The following MEIKIN variants were observed in gnomAD, a reference collection of about 807,000 sequenced individuals.
MEIKIN encodes the protein meiotic kinetochore factor.
intron 8 of MEIKIN, among the ~76,000 whole-genome samples, chr5:131,901,507 T>C (rs1751156694): frequency 6.6e-6 from 1 of 152,104 alleles, no homozygotes; most frequent in South Asian, 2.1e-4. Flanking sequence ...AACAAGTATG[T>C]ACCCTGCTGC....
intron 8 of MEIKIN, among the ~76,000 whole-genome samples, chr5:131,898,355 T>G (rs1751090361): frequency 6.6e-6 from 1 of 152,162 alleles, no homozygotes; most frequent in African/African-American, 2.4e-5. Flanking sequence ...CTAGAAGGTG[T>G]CTCCCAGTTA....
chr5:131,841,386 G>T (rs1245717886), intron 11 of MEIKIN, among the ~76,000 whole-genome samples: 1 of 152,180 alleles, frequency 6.6e-6, no homozygotes, highest in Admixed American at 6.5e-5. Flanking sequence ...ATCAGCTACA[G>T]CAGGGTGCTA....
intron 11 of MEIKIN, among the ~76,000 whole-genome samples, chr5:131,846,196 G>A (rs185687464): frequency 7.2e-5 from 11 of 152,254 alleles, no homozygotes; most frequent in Middle Eastern, 3.4e-3. Flanking sequence ...AAAAATGAGG[G>A]AGAAATTAAG....
chr5:131,928,891 ATTTATC>A (rs1477150601), intron 5 of MEIKIN, among the ~76,000 whole-genome samples: 2 of 152,200 alleles, frequency 1.3e-5, no homozygotes, highest in African/African-American at 4.8e-5. Context: ...TTATCTATAT[ATTTATC>A]TTTACCAATG....
intron 10 of MEIKIN, among the ~76,000 whole-genome samples, chr5:131,853,450 G>A (rs1750147476): frequency 6.6e-6 from 1 of 152,078 alleles, no homozygotes; most frequent in Admixed American, 6.6e-5. Context: ...CACTGGATTT[G>A]ATAATCATTT....
chr5:131,924,478 C>T (rs1214363791), intron 5 of MEIKIN, among the ~76,000 whole-genome samples: 1 of 152,150 alleles, frequency 6.6e-6, no homozygotes, highest in Non-Finnish European at 1.5e-5. Flanking sequence ...CCCTTGCCAA[C>T]ATTTGTTATC....
intron 9 of MEIKIN, among the ~76,000 whole-genome samples, chr5:131,877,495 T>A (rs1750636313): frequency 6.6e-6 from 1 of 152,008 alleles, no homozygotes; most frequent in Non-Finnish European, 1.5e-5. Flanking sequence ...ATATGAAAAT[T>A]AGCCATTTGT....
chr5:131,871,921 A>G (rs1335240309), intron 9 of MEIKIN, among the ~76,000 whole-genome samples: 1 of 152,198 alleles, frequency 6.6e-6, no homozygotes, highest in African/African-American at 2.4e-5. Flanking sequence ...ACTCCAACAG[A>G]CCTGCAGCTG....
intron 8 of MEIKIN, among the ~76,000 whole-genome samples, chr5:131,893,695 C>T (rs543154658): frequency 7.9e-5 from 12 of 152,226 alleles, no homozygotes; most frequent in Admixed American, 7.2e-4. Context: ...TGCTGGGACC[C>T]GCAGACTGGA....
At chr5:131,810,426 G>A (rs543285595) in intron 12 of MEIKIN, among the ~76,000 whole-genome samples, 2 of 152,188 alleles carry the variant, frequency 1.3e-5, no homozygotes, top group South Asian at 2.1e-4. Flanking sequence ...AAAGTTAAAA[G>A]TGTCCTCTCT....
chr5:131,829,607 T>TA (rs142687678), intron 11 of MEIKIN, among the ~76,000 whole-genome samples: 95 of 151,564 alleles, frequency 6.3e-4, no homozygotes, highest in African/African-American at 1.8e-3. Context: ...AACAGAAAAA[T>TA]AAAAAAAACA....
intron 4 of MEIKIN, among the ~76,000 whole-genome samples, chr5:131,938,556 C>T (rs1197214235): frequency 6.6e-6 from 1 of 152,142 alleles, no homozygotes; most frequent in Non-Finnish European, 1.5e-5. Flanking sequence ...TATCCTTTAT[C>T]TTCTCTTTCA....
At chr5:131,857,768 G>A (rs777327445) in intron 9 of MEIKIN, among the ~76,000 whole-genome samples, 51 of 152,238 alleles carry the variant, frequency 3.4e-4, no homozygotes, top group Middle Eastern at 6.8e-3. Flanking sequence ...TTGCTGGCCC[G>A]CAAGCGCAGG....
At chr5:131,842,366 A>G (rs139209672) in intron 11 of MEIKIN, among the ~76,000 whole-genome samples, 113 of 152,258 alleles carry the variant, frequency 7.4e-4, no homozygotes, top group South Asian at 6.2e-3. Context: ...AAGAATGGGT[A>G]CTCAGGTCTT....
At chr5:131,882,666 T>C (rs1029576856) in intron 8 of MEIKIN, among the ~76,000 whole-genome samples, 14 of 152,226 alleles carry the variant, frequency 9.2e-5, no homozygotes, top group African/African-American at 3.1e-4. Context: ...TCAGTACATT[T>C]AGAATAAAAT....
chr5:131,887,701 T>G (rs543674905), intron 8 of MEIKIN, among the ~76,000 whole-genome samples: 27 of 150,318 alleles, frequency 1.8e-4, no homozygotes, highest in Non-Finnish European at 3.1e-4. Flanking sequence ...GTAAATTTGT[T>G]TTTTTTTTAT....
intron 11 of MEIKIN, among the ~76,000 whole-genome samples, chr5:131,847,061 A>G (rs1159102738): frequency 6.6e-6 from 1 of 152,186 alleles, no homozygotes; most frequent in African/African-American, 2.4e-5. Context: ...ATATACACAA[A>G]AGGAAATAAG....
At chr5:131,867,418 G>C (rs1750401753) in intron 9 of MEIKIN, among the ~76,000 whole-genome samples, 1 of 152,052 alleles carries the variant, frequency 6.6e-6, no homozygotes, top group Admixed American at 6.5e-5. Context: ...GTTCACTCTT[G>C]GTGTTGTATA....
intron 10 of MEIKIN, among the ~76,000 whole-genome samples, chr5:131,853,708 A>G (rs1364224811): frequency 6.6e-6 from 1 of 152,202 alleles, no homozygotes; most frequent in Non-Finnish European, 1.5e-5. Context: ...TATTTTCCCA[A>G]AAAAGATATA....
Sources: allele counts gnomAD v4.1 joint callset (sites outside exome capture counted in the v4.1 genomes callset), GRCh38; gene constraint gnomAD v4.1.1; transcripts MANE v1.5; gene names NCBI Gene and HGNC (gene_info 2026-07-23, HGNC 2026-07-21).